Variants in MCM3AP observed in about 807,000 individuals in gnomAD.
The protein encoded by MCM3AP is germinal-center associated nuclear protein.
In MCM3AP, 126 loss-of-function variants were observed where a neutral mutation model predicts 184.1. The observed-to-expected ratio is 0.68, with a 90% CI of 0.59 to 0.79. The LOEUF is 0.79. Ranked by LOEUF, MCM3AP falls within the 30% of genes least tolerant of loss-of-function variation. MCM3AP has a pLI of 0.00. For missense variants in MCM3AP, 2,496 were observed against 2,479.2 expected, an observed-to-expected ratio of 1.01 and a Z score of -0.14; for synonymous variants, 1,002 against 979.3, an observed-to-expected ratio of 1.02 and a Z score of -0.43.
At chr21:46,243,087 C>T (rs891064457) in intron 24 of MCM3AP, 156 bp from the exon 25 acceptor site, 1 of 688,708 alleles carries the variant, frequency 1.5e-6, no homozygotes, top group Non-Finnish European at 2.4e-6. Context: ...AAGTGCAAGA[C>T]CTTTGATTAA....
rs771807827 is a variant in MCM3AP at position 46,280,459 on chromosome 21, AT to A, written c.1522+37del. The A allele has an allele frequency of 1.2e-5, 17 of 1,430,014 alleles. 1 individual carries two copies. The South Asian group carries it at 2.1e-4, about 17-fold the overall frequency. 88.6% of individuals were successfully genotyped at this position (1,430,014 alleles called of 1,614,324 possible). On this transcript the variant is annotated intron_variant, in intron 3 of 27. Coordinates refer to ENST00000291688, the MANE Select transcript of MCM3AP (RefSeq NM_003906.5). ...CATCTCTATAAAATAAATAAAAATA[AT>A]TTTTTTAAAAAGTGAAAAGAATAAT... is the stretch of plus-strand genomic sequence containing the variant.
At chr21:46,239,708 A>G (rs1279677362) in intron 26 of MCM3AP, among the ~76,000 whole-genome samples, 1 of 152,234 alleles carries the variant, frequency 6.6e-6, no homozygotes, top group East Asian at 1.9e-4. Flanking sequence ...TGGAGCTGTC[A>G]GAATAGTGAT....
Position 46,246,737 on chromosome 21 carries a change from C to T in MCM3AP, c.4440G>A (p.Leu1480=). The change falls in exon 21 of 28, where the codon TTG becomes TTA. Residue 1480 remains leucine (L), a synonymous_variant. Transcript: ENST00000291688. The part of the protein sequence containing the change: ...AEEDVYWLSA[L]LQLKQLLQAK... ...CCTGCAGGAGCTGCTTGAGCTGCAGCAAGGCCGACAGCCAGTACACGTCCT... is the reference window on the plus strand; with the variant it reads ...CCTGCAGGAGCTGCTTGAGCTGCAGTAAGGCCGACAGCCAGTACACGTCCT... 2 of 1,614,236 alleles carry T rather than the reference C, an allele frequency of 1.2e-6. No individual in the cohort carries two copies. Among genetic ancestry groups the T allele is most frequent in the Non-Finnish European group, 1.7e-6 (2 of 1,180,034 alleles).
intron 17 of MCM3AP, among the ~76,000 whole-genome samples, chr21:46,255,322 T>C (rs527855410): frequency 6.6e-6 from 1 of 152,064 alleles, no homozygotes; most frequent in South Asian, 2.1e-4. Context: ...GGGAGAGCAG[T>C]GAGGGCAGCG....
intron 6 of MCM3AP, among the ~76,000 whole-genome samples, chr21:46,274,920 CAG>C (rs1334470080): frequency 9.1e-6 from 1 of 109,920 alleles, no homozygotes. Flanking sequence ...GCCTAGGTGA[CAG>C]AGTGAGACCC....
intron 2 of MCM3AP, 102 bp downstream of exon 2, chr21:46,283,513 T>G: frequency 1.4e-6 from 1 of 710,436 alleles, no homozygotes; most frequent in Non-Finnish European, 2.4e-6. Context: ...ACTTTCTCTA[T>G]ATTATAGTAA....
At chr21:46,263,557 G>A (rs2081068627) in intron 13 of MCM3AP, among the ~76,000 whole-genome samples, 1 of 151,852 alleles carries the variant, frequency 6.6e-6, no homozygotes, top group African/African-American at 2.4e-5. Context: ...GCTGAGGCAG[G>A]TGGATCACTT....
intron 7 of MCM3AP, 132 bp from the exon 8 acceptor site, chr21:46,272,961 G>T: frequency 1.1e-6 from 1 of 871,134 alleles, no homozygotes; most frequent in Non-Finnish European, 1.7e-6. Context: ...ATTTTAATAG[G>T]ACTTTGTAGT....
chr21:46,268,098 G>A (rs1569073799), intron 9 of MCM3AP: 1 of 151,846 alleles, frequency 6.6e-6, no homozygotes, highest in Non-Finnish European at 1.5e-5. Context: ...TAGGGAGGCT[G>A]AGGCAGGAGA....
rs372593235 is a variant in MCM3AP, at chr21:46,256,948, C to T, written c.3773G>A (p.Arg1258His). 49 of 1,612,448 alleles carry T rather than the reference C, an allele frequency of 3.0e-5. No individual in the cohort carries two copies. The highest frequency in any genetic ancestry group is 8.9e-5 in the East Asian group (4 of 44,846). ...CGCAGCAGGGAAAGCCCGCATTTGG[C>T]GCCTCAGTTTCTTGCGGGCTGTGAC... is the stretch of plus-strand genomic sequence containing the variant. ...EAVTARKKLR[R>H]QMRAFPAAPC... Residue 1258 changes from arginine (R) to histidine (H), a missense_variant, in exon 17 of 28, where the codon CGC becomes CAC. By Grantham distance (29) the Arg-to-His change is conservative. Coordinates refer to ENST00000291688, the MANE Select transcript of MCM3AP (RefSeq NM_003906.5).
At chr21:46,246,254 A>G (rs984619377) in intron 22 of MCM3AP, 53 bp downstream of exon 22, 2 of 1,132,792 alleles carry the variant, frequency 1.8e-6, no homozygotes, top group Admixed American at 1.7e-5. Flanking sequence ...GATACAGCAA[A>G]AGGGGAAAAA....
At chr21:46,271,327 T>G (rs78979393) in intron 8 of MCM3AP, among the ~76,000 whole-genome samples, 2 of 86,510 alleles carry the variant, frequency 2.3e-5, no homozygotes, top group East Asian at 3.2e-4. Flanking sequence ...CACACCTGGG[T>G]TTTTTTTTTT....
In MCM3AP at chr21:46,243,665, G is replaced by C; in HGVS notation, c.5096C>G (p.Ser1699Ter). 6.2e-7 allele frequency: 1 copy of C among 1,614,238 alleles called. No individual in the cohort carries two copies. Among genetic ancestry groups the C allele is most frequent in the South Asian group, 1.1e-5 (1 of 91,088 alleles). Residue 1699 changes from serine (S) to a stop codon, truncating the protein, a stop_gained, in exon 24 of 28, where the codon TCA becomes TGA. Coordinates refer to ENST00000291688, the MANE Select transcript of MCM3AP (RefSeq NM_003906.5). LOFTEE classifies it high-confidence loss of function. The part of the protein sequence containing the change: ...VVQYASQIPS[S>*]RQTQPVLQSQ... ...CTGGAGGACAGGCTGTGTCTGGCGT[G>C]AGCTGGGGATCTGGGAGGCGTACTG... is the stretch of plus-strand genomic sequence containing the variant.
At position 46,283,506 on chromosome 21, in the gene MCM3AP, TTCTC is replaced by T. The variant is rs541969910; in HGVS notation, c.1443+105_1443+108del. Reference sequence around the variant, plus strand: ...TATGCTAATAAGATATTTGAGTACTTTCTCTATATTATAGTAAGCAAACAACTGA... The same window carrying T: ...TATGCTAATAAGATATTTGAGTACTTTATATTATAGTAAGCAAACAACTGA... On this transcript the variant is annotated intron_variant, in intron 2 of 27. Transcript: ENST00000291688. 4.8e-5 allele frequency: 33 copies of T among 681,158 alleles called. 1 individual carries two copies. The Middle Eastern group carries it at 7.4e-4, about 15-fold the overall frequency. 42.2% of individuals were successfully genotyped at this position (681,158 alleles called of 1,614,324 possible).
chr21:46,235,193 C>T lies in MCM3AP; in HGVS notation c.*75G>A, dbSNP rs1163886589. 7.0e-6 allele frequency: 10 copies of T among 1,432,562 alleles called. No individual in the cohort carries two copies. Among genetic ancestry groups the T allele is most frequent in the Non-Finnish European group, 9.7e-6 (10 of 1,027,590 alleles). The allele number at this position is 1,432,562 out of a possible 1,614,324, so 88.7% of individuals were successfully genotyped here. On this transcript the variant is annotated 3_prime_UTR_variant, in exon 28 of 28. Transcript: ENST00000291688. ...ATCACATTTCCAACAGTGCATCAAG[C>T]ATCTGAGAATAACATTATTTTGAGT...
At chr21:46,251,743 G>T in intron 19 of MCM3AP, 61 bp from the exon 20 acceptor site, 1 of 1,037,484 alleles carries the variant, frequency 9.6e-7, no homozygotes, top group Non-Finnish European at 1.4e-6. Flanking sequence ...TTCTATATTT[G>T]AATTATAAAG....
intron 11 of MCM3AP, 74 bp from the exon 12 acceptor site, chr21:46,265,597 G>A: frequency 7.9e-7 from 1 of 1,270,966 alleles, no homozygotes; most frequent in South Asian, 1.5e-5. Context: ...CGAGGTCTGT[G>A]CAGGGACAGC....
chr21:46,255,951 C>T (rs1329268923), intron 17 of MCM3AP, among the ~76,000 whole-genome samples: 5 of 152,338 alleles, frequency 3.3e-5, no homozygotes, highest in African/African-American at 1.2e-4. Context: ...ATGCCTCCAA[C>T]AGGCTGGGAC....
At chr21:46,284,003 C>A in intron 1 of MCM3AP, 65 bp downstream of exon 1, 1 of 1,559,438 alleles carries the variant, frequency 6.4e-7, no homozygotes, top group Non-Finnish European at 8.7e-7. Context: ...AAGCTAACAC[C>A]CAGAGAAACG....
Sources: allele counts gnomAD v4.1 joint callset (sites outside exome capture counted in the v4.1 genomes callset), GRCh38; gene constraint gnomAD v4.1.1; transcripts MANE v1.5; gene names NCBI Gene and HGNC (gene_info 2026-07-23, HGNC 2026-07-21).